CLYBL: variants seen among roughly 807,000 people sequenced by gnomAD.
CLYBL encodes citramalyl-CoA lyase, mitochondrial.
A neutral mutation model predicts 38.9 loss-of-function variants in CLYBL; 31 were observed. The ratio of observed to expected loss-of-function variants is 0.80; its 90% CI spans 0.60 to 1.08. The LOEUF is 1.08. Ranked by LOEUF, CLYBL falls within the 50% of genes least tolerant of loss-of-function variation. The pLI is 0.00. For synonymous variants in CLYBL, 171 were observed against 158.6 expected (o/e 1.08, Z -0.59); for missense variants, 434 against 411.6 (o/e 1.05, Z -0.47).
downstream of CLYBL, among the ~76,000 whole-genome samples, chr13:99,898,762 GATC>G (rs1311502240): frequency 1.3e-5 from 2 of 152,206 alleles, no homozygotes; most frequent in African/African-American, 4.8e-5. Context: ...ACTCCTGAGA[GATC>G]CTCCCAGCTC....
Position 99,677,674 on chromosome 13 carries a change from T to C in CLYBL, c.62+70917T>C, listed in dbSNP as rs141811802. Among the ~76,000 whole-genome samples, 8 of 152,358 alleles carry C rather than the reference T, an allele frequency of 5.3e-5. No homozygotes were observed. The East Asian group carries it at 1.5e-3, about 29-fold the overall frequency. Reference sequence around the variant, plus strand: ...GACTGTATTTAGTTCATGTCATTCATTGGAGACAAGTCATTGTAATTACAT... The same window carrying C: ...GACTGTATTTAGTTCATGTCATTCACTGGAGACAAGTCATTGTAATTACAT... On this transcript the variant is annotated intron_variant, in intron 1 of 8. Coordinates refer to ENST00000339105, the MANE Select transcript of CLYBL (RefSeq NM_206808.5).
intron 2 of CLYBL, among the ~76,000 whole-genome samples, chr13:99,852,304 T>C (rs2051351640): frequency 6.6e-6 from 1 of 152,276 alleles, no homozygotes; most frequent in African/African-American, 2.4e-5. Context: ...AGTGGTGCAA[T>C]CACAGCTTAC....
rs188933169 is a variant in CLYBL at position 99,718,277 on chromosome 13, A to G, written c.63-54547A>G. On this transcript the variant is annotated intron_variant, in intron 1 of 8. Transcript: ENST00000339105. Reference sequence around the variant, plus strand: ...GAAAAGGGGCATGGGCTTTTGCAAAAATAGGCAGTAGCCTGTCCGGACCAG... The same window carrying G: ...GAAAAGGGGCATGGGCTTTTGCAAAGATAGGCAGTAGCCTGTCCGGACCAG... Among the ~76,000 whole-genome samples, 6 of 152,230 alleles carry G rather than the reference A, an allele frequency of 3.9e-5. No individual in the cohort carries two copies. The East Asian group carries it at 1.2e-3, about 29-fold the overall frequency.
At chr13:99,830,031 C>T (rs1324049517) in intron 2 of CLYBL, among the ~76,000 whole-genome samples, 2 of 152,238 alleles carry the variant, frequency 1.3e-5, no homozygotes, top group African/African-American at 4.8e-5. Context: ...AACAAGCTCT[C>T]GGATGGGCTT....
intron 1 of CLYBL, among the ~76,000 whole-genome samples, chr13:99,648,941 C>A (rs1228040521): frequency 6.7e-6 from 1 of 149,210 alleles, no homozygotes; most frequent in African/African-American, 2.6e-5. Flanking sequence ...ATACATTTAA[C>A]CCATCCCCAA....
At chr13:99,760,595 T>G (rs1156511028) in intron 1 of CLYBL, among the ~76,000 whole-genome samples, 1 of 152,246 alleles carries the variant, frequency 6.6e-6, no homozygotes, top group Admixed American at 6.5e-5. Flanking sequence ...ACAGGTCTTT[T>G]CCTTTTAGCA....
At chr13:99,906,720 G>A (rs1041532208) in intron 9 of CLYBL, among the ~76,000 whole-genome samples, 1 of 152,122 alleles carries the variant, frequency 6.6e-6, no homozygotes, top group African/African-American at 2.4e-5. Flanking sequence ...CACCGTGCCC[G>A]GCCTTGAGTT....
chr13:99,662,886 G>A (rs2047429693), intron 1 of CLYBL, among the ~76,000 whole-genome samples: 1 of 152,076 alleles, frequency 6.6e-6, no homozygotes, highest in Non-Finnish European at 1.5e-5. Context: ...TATTTACTTT[G>A]CAACCGGCCA....
intron 1 of CLYBL, among the ~76,000 whole-genome samples, chr13:99,613,863 G>A (rs2046667124): frequency 6.6e-6 from 1 of 152,202 alleles, no homozygotes; most frequent in South Asian, 2.1e-4. Flanking sequence ...TGCATGGTGA[G>A]AAAGGGGATG....
At chr13:99,858,292 T>A (rs1410444111) in intron 2 of CLYBL, among the ~76,000 whole-genome samples, 1 of 152,210 alleles carries the variant, frequency 6.6e-6, no homozygotes, top group African/African-American at 2.4e-5. Flanking sequence ...TAGTACACAT[T>A]GTCAGATTCC....
At chr13:99,755,788 C>A (rs1323460206) in intron 1 of CLYBL, among the ~76,000 whole-genome samples, 1 of 152,184 alleles carries the variant, frequency 6.6e-6, no homozygotes, top group African/African-American at 2.4e-5. Context: ...CCTCTCTAGT[C>A]ACTGTCACTG....
chr13:99,843,602 A>ATTT (rs1196539167), intron 2 of CLYBL, among the ~76,000 whole-genome samples: 898 of 73,598 alleles, frequency 0.012, 14 homozygotes, highest in African/African-American at 0.041. Flanking sequence ...GGAAAAATTA[A>ATTT]TCTTTTTTTT....
At chr13:99,636,501 A>G (rs1365816143) in intron 1 of CLYBL, among the ~76,000 whole-genome samples, 1 of 151,904 alleles carries the variant, frequency 6.6e-6, no homozygotes, top group African/African-American at 2.4e-5. Context: ...CACGTGGCCA[A>G]CTCTGCTTGG....
At chr13:99,882,743 T>A (rs1301453850) in intron 7 of CLYBL, among the ~76,000 whole-genome samples, 1 of 152,132 alleles carries the variant, frequency 6.6e-6, no homozygotes, top group African/African-American at 2.4e-5. Flanking sequence ...GTCTTCCTAA[T>A]AGAATTACCC....
intron 1 of CLYBL, among the ~76,000 whole-genome samples, chr13:99,685,690 G>A (rs376642003): frequency 6.6e-6 from 1 of 152,134 alleles, no homozygotes; most frequent in Non-Finnish European, 1.5e-5. Flanking sequence ...GGCCGGGCAC[G>A]GTGGCTCAAG....
rs531391848 is a variant in CLYBL, at chr13:99,871,173, G to C, written c.927+111G>C. On this transcript the variant is annotated intron_variant, in intron 7 of 8. Transcript: ENST00000339105. ...TAAGAAAACTCATCGTATCTGGAGA[G>C]GGGGGAAAGGGAGGGAACACAACAT... is the stretch of plus-strand genomic sequence containing the variant. 126 of 1,222,668 alleles carry C rather than the reference G, an allele frequency of 1.0e-4. No individual in the cohort carries two copies. The African/African-American group carries it at 1.5e-3, about 14-fold the overall frequency. 75.7% of individuals were successfully genotyped at this position (1,222,668 alleles called of 1,614,324 possible).
intron 2 of CLYBL, among the ~76,000 whole-genome samples, chr13:99,810,148 A>G (rs1309384490): frequency 6.6e-6 from 1 of 152,256 alleles, no homozygotes; most frequent in Non-Finnish European, 1.5e-5. Context: ...TGGCAACACA[A>G]GGCTATCACT....
chr13:99,804,795 C>A (rs936840422), intron 2 of CLYBL, among the ~76,000 whole-genome samples: 5 of 152,092 alleles, frequency 3.3e-5, no homozygotes, highest in African/African-American at 1.2e-4. Flanking sequence ...CCATTTAAAC[C>A]ATTTTTAACT....
chr13:99,770,076 C>CTTTTTTTTTTTTTTT (rs68172402), intron 1 of CLYBL, among the ~76,000 whole-genome samples: 1 of 121,962 alleles, frequency 8.2e-6, no homozygotes, highest in Non-Finnish European at 1.9e-5. Flanking sequence ...TTTTTCTTTT[C>CTTTTTTTTTTTTTTT]TTTCTTTTTT....
Sources: allele counts gnomAD v4.1 joint callset (sites outside exome capture counted in the v4.1 genomes callset), GRCh38; gene constraint gnomAD v4.1.1; transcripts MANE v1.5; gene names NCBI Gene and HGNC (gene_info 2026-07-23, HGNC 2026-07-21).